The following CDK17 variants were observed in gnomAD, a reference collection of about 807,000 sequenced individuals.
The protein encoded by CDK17 is cyclin dependent kinase 17.
A neutral mutation model predicts 77.6 loss-of-function variants in CDK17; 24 were observed. The observed-to-expected ratio is 0.31, with a 90% CI of 0.22 to 0.44. The LOEUF is 0.44. CDK17 is among the 20% of genes least tolerant of loss of function. The probability of loss-of-function intolerance (pLI) is 1.00; values close to 1 mark genes in which losing one functional copy is unlikely to be tolerated. For synonymous variants in CDK17, 203 were observed against 210.4 expected (o/e 0.96, Z 0.30); for missense variants, 429 against 622.5 (o/e 0.69, Z 3.31).
At chr12:96,377,768 A>C (rs1166450336) in intron 1 of CDK17, among the ~76,000 whole-genome samples, 5 of 139,554 alleles carry the variant, frequency 3.6e-5, no homozygotes, top group Non-Finnish European at 7.5e-5. Flanking sequence ...ATCTCGGCTC[A>C]CTGCAAGCTC....
intron 3 of CDK17, among the ~76,000 whole-genome samples, chr12:96,318,244 G>A (rs1166548838): frequency 6.6e-6 from 1 of 151,974 alleles, no homozygotes; most frequent in Non-Finnish European, 1.5e-5. Context: ...AACAGGAGGA[G>A]CTAACTATCC....
chr12:96,364,714 G>T (rs573979121), intron 1 of CDK17, among the ~76,000 whole-genome samples: 19 of 152,232 alleles, frequency 1.2e-4, no homozygotes, highest in African/African-American at 4.6e-4. Context: ...ACTTCCATAG[G>T]CTTGCTCTTT....
intron 11 of CDK17, among the ~76,000 whole-genome samples, chr12:96,288,715 T>C (rs180726762): frequency 2.6e-5 from 4 of 152,296 alleles, no homozygotes; most frequent in East Asian, 3.9e-4. Context: ...GTGAGAAAGA[T>C]GACTACAATA....
intron 1 of CDK17, among the ~76,000 whole-genome samples, chr12:96,390,649 C>CA (rs1288321637): frequency 7.5e-6 from 1 of 133,490 alleles, no homozygotes; most frequent in African/African-American, 2.8e-5. Flanking sequence ...GTGGAGATTG[C>CA]AGTTAGCAGA....
chr12:96,296,079 T>C (rs1451318897), intron 9 of CDK17, among the ~76,000 whole-genome samples: 3 of 152,238 alleles, frequency 2.0e-5, no homozygotes, highest in Admixed American at 1.3e-4. Context: ...CTAAAATTAC[T>C]ATTTAAATGA....
chr12:96,339,988 A>G (rs1382642518), intron 1 of CDK17, among the ~76,000 whole-genome samples: 2 of 152,046 alleles, frequency 1.3e-5, no homozygotes, highest in Non-Finnish European at 2.9e-5. Context: ...TAAGTAAAAA[A>G]ATCACCAAAA....
intron 3 of CDK17, among the ~76,000 whole-genome samples, chr12:96,316,943 CA>C (rs1952737999): frequency 1.3e-5 from 2 of 150,594 alleles, no homozygotes; most frequent in South Asian, 4.2e-4. Flanking sequence ...AGCAACGGAA[CA>C]AAGCTGGATG....
At chr12:96,363,319 T>C (rs1379254283) in intron 1 of CDK17, among the ~76,000 whole-genome samples, 1 of 151,206 alleles carries the variant, frequency 6.6e-6, no homozygotes, top group Non-Finnish European at 1.5e-5. Flanking sequence ...GGCATGGTGG[T>C]GGGCGCCTGT....
chr12:96,380,413 T>A (rs567120132), intron 1 of CDK17, among the ~76,000 whole-genome samples: 5 of 151,794 alleles, frequency 3.3e-5, no homozygotes, highest in African/African-American at 1.2e-4. Context: ...CCCGAGTAGC[T>A]GGGATTACAG....
At position 96,280,221 on chromosome 12, in the gene CDK17, C is replaced by T; in HGVS notation, c.*21G>A. 6.5e-7 allele frequency: 1 copy of T among 1,549,454 alleles called. No homozygotes were observed. The highest frequency in any genetic ancestry group is 8.7e-7 in the Non-Finnish European group (1 of 1,145,892). ...TTGGTAAGAAAGGCTGGGGGCTGGG[C>T]TTGAAACCATGTTATCAGACTTAAA... On this transcript the variant is annotated 3_prime_UTR_variant, in exon 17 of 17. Coordinates refer to ENST00000261211, the MANE Select transcript of CDK17 (RefSeq NM_002595.5).
intron 10 of CDK17, among the ~76,000 whole-genome samples, chr12:96,293,166 A>T (rs1299611094): frequency 6.6e-6 from 1 of 152,210 alleles, no homozygotes; most frequent in Non-Finnish European, 1.5e-5. Flanking sequence ...ACAAAACAGT[A>T]AGAAGAATGG....
chr12:96,366,643 A>T (rs1437699928), intron 1 of CDK17, among the ~76,000 whole-genome samples: 1 of 152,194 alleles, frequency 6.6e-6, no homozygotes, highest in East Asian at 1.9e-4. Context: ...CCTTTTTTAT[A>T]AATCAGTCAG....
rs546963267 is a variant in CDK17, at chr12:96,372,639, G to A, written c.-30+27347C>T. Among the ~76,000 whole-genome samples, 57 of 151,184 alleles carry A rather than the reference G, an allele frequency of 3.8e-4. 1 individual carries two copies. In the Middle Eastern group the frequency reaches 0.014, roughly 36 times the overall value. On this transcript the variant is annotated intron_variant, in intron 1 of 16. Coordinates refer to ENST00000261211, the MANE Select transcript of CDK17 (RefSeq NM_002595.5). ...AAAAGGTGTACCTGAATAATCAACT[G>A]AAAAAAAATACTCCACAGCCACTTT... is the stretch of plus-strand genomic sequence containing the variant.
chr12:96,382,093 T>C (rs555283075), intron 1 of CDK17, among the ~76,000 whole-genome samples: 2 of 151,962 alleles, frequency 1.3e-5, no homozygotes, highest in African/African-American at 2.4e-5. Context: ...TAGACATCTA[T>C]CTACCCTAAG....
chr12:96,333,334 C>T (rs1952997571), intron 2 of CDK17, among the ~76,000 whole-genome samples: 2 of 151,888 alleles, frequency 1.3e-5, no homozygotes, highest in Admixed American at 1.3e-4. Context: ...ATTAAATTTC[C>T]TACTGAGCCC....
intron 9 of CDK17, among the ~76,000 whole-genome samples, chr12:96,296,137 A>C (rs994015171): frequency 3.3e-5 from 5 of 152,238 alleles, no homozygotes; most frequent in Non-Finnish European, 7.3e-5. Flanking sequence ...CATTTAAACA[A>C]ATAAATAATA....
At chr12:96,295,264 CTT>C (rs1264817406) in intron 9 of CDK17, 142 bp from the exon 10 acceptor site, 13 of 533,354 alleles carry the variant, frequency 2.4e-5, no homozygotes, top group Non-Finnish European at 3.6e-5. Flanking sequence ...AGTACAATGT[CTT>C]TTTCCTTTTA....
At chr12:96,374,209 T>A (rs1384118307) in intron 1 of CDK17, among the ~76,000 whole-genome samples, 1 of 152,238 alleles carries the variant, frequency 6.6e-6, no homozygotes, top group Non-Finnish European at 1.5e-5. Flanking sequence ...ATTATTTCTA[T>A]GAAAATATTA....
At chr12:96,381,021 C>A (rs776112257) in intron 1 of CDK17, among the ~76,000 whole-genome samples, 2 of 152,110 alleles carry the variant, frequency 1.3e-5, no homozygotes, top group African/African-American at 2.4e-5. Context: ...CTACTTAATA[C>A]CCTCAGCTAA....
Sources: allele counts gnomAD v4.1 joint callset (sites outside exome capture counted in the v4.1 genomes callset), GRCh38; gene constraint gnomAD v4.1.1; transcripts MANE v1.5; gene names NCBI Gene and HGNC (gene_info 2026-07-23, HGNC 2026-07-21).